Variants in DNAJC6 observed in about 807,000 individuals in gnomAD.
DNAJC6 encodes auxilin.
A neutral mutation model predicts 110.0 loss-of-function variants in DNAJC6; 34 were observed. That is an observed-to-expected ratio of 0.31 (90% CI 0.24 to 0.41). The LOEUF is 0.41. Among genes scored for constraint, DNAJC6 ranks in the 10% least tolerant of loss-of-function variants. DNAJC6 has a pLI of 1.00. For synonymous variants in DNAJC6, 406 were observed against 437.2 expected (o/e 0.93, Z 0.89); for missense variants, 1,031 against 1,207.8 (o/e 0.85, Z 2.17).
At position 65,309,685 on chromosome 1, in the gene DNAJC6, A is replaced by C. The variant is rs1207780105; in HGVS notation, c.-61A>C. The stretch of plus-strand genomic sequence containing the variant: ...TTTAATTCCTTCTTCAGCCCTTTCC[A>C]CCTTCCATCTCCCTTTTCGCTTCCC... On this transcript the variant is annotated 5_prime_UTR_variant, in exon 1 of 19. Transcript: ENST00000371069. 145 of 1,478,380 alleles carry C rather than the reference A, an allele frequency of 9.8e-5. No individual in the cohort carries two copies. The highest frequency in any genetic ancestry group is 3.1e-4 in the African/African-American group (19 of 60,378). 91.6% of individuals were successfully genotyped at this position (1,478,380 alleles called of 1,614,324 possible).
intron 1 of DNAJC6, among the ~76,000 whole-genome samples, chr1:65,331,486 A>G (rs74080532): frequency 0.011 from 1,712 of 152,320 alleles, 36 homozygotes; most frequent in African/African-American, 0.038. Flanking sequence ...AAGTTTTCCA[A>G]AGAGGTGAAA....
At chr1:65,371,773 A>C (rs1211331719) in intron 4 of DNAJC6, among the ~76,000 whole-genome samples, 1 of 152,156 alleles carries the variant, frequency 6.6e-6, no homozygotes, top group African/African-American at 2.4e-5. Context: ...ATGCTAAGCA[A>C]GCCCAGGAGA....
chr1:65,281,630 A>G (rs1200431341), intron 1 of DNAJC6, among the ~76,000 whole-genome samples: 1 of 151,122 alleles, frequency 6.6e-6, no homozygotes, highest in Non-Finnish European at 1.5e-5. Flanking sequence ...TTGTTTTGAG[A>G]TGGAGTCTCG....
chr1:65,267,751 G>T (rs1653382430), intron 1 of DNAJC6, among the ~76,000 whole-genome samples: 1 of 152,032 alleles, frequency 6.6e-6, no homozygotes, highest in Non-Finnish European at 1.5e-5. Flanking sequence ...CTCCAAATAG[G>T]TTATGAATTA....
At chr1:65,268,556 T>G (rs1218501683) in intron 1 of DNAJC6, among the ~76,000 whole-genome samples, 1 of 152,282 alleles carries the variant, frequency 6.6e-6, no homozygotes, top group South Asian at 2.1e-4. Flanking sequence ...AGAAATAGAT[T>G]AAGAATTTTG....
intron 18 of DNAJC6, among the ~76,000 whole-genome samples, chr1:65,412,515 CAA>C (rs1646137829): frequency 6.6e-6 from 1 of 152,160 alleles, no homozygotes; most frequent in South Asian, 2.1e-4. Flanking sequence ...GAAGGAGAAA[CAA>C]GAGCCCAGAA....
rs575574996 is a variant in DNAJC6 at position 65,345,784 on chromosome 1, T to C, written c.194-18851T>C. Reference sequence around the variant, plus strand: ...ATGTCTTCTGTATGTAGAGTGCAGATCCAGGTTGGCTACCATGTCTGGCCA... The same window carrying C: ...ATGTCTTCTGTATGTAGAGTGCAGACCCAGGTTGGCTACCATGTCTGGCCA... On this transcript the variant is annotated intron_variant, in intron 1 of 18. Transcript: ENST00000371069. The C allele has an allele frequency of 6.4e-5, 39 of 613,420 alleles. No individual in the cohort carries two copies. In the Middle Eastern group the frequency reaches 3.4e-3, roughly 53 times the overall value. The allele number at this position is 613,420 out of a possible 1,614,324, so 38.0% of individuals were successfully genotyped here. A position where few individuals can be genotyped will look rare whatever the true frequency, so the allele number is the denominator to read the frequency against.
At chr1:65,309,128 G>A (rs1157376239), upstream of DNAJC6, among the ~76,000 whole-genome samples, 1 of 152,184 alleles carries the variant, frequency 6.6e-6, no homozygotes, top group Non-Finnish European at 1.5e-5. Context: ...AAATGGGTGT[G>A]TCTGGATTTT....
At chr1:65,290,158 G>A (rs10889534) in intron 1 of DNAJC6, among the ~76,000 whole-genome samples, 16,750 of 152,118 alleles carry the variant, frequency 0.11, 1,199 homozygotes, top group East Asian at 0.27. Flanking sequence ...CAGTTCTGGT[G>A]GCTGGAAAAG....
At chr1:65,278,996 A>C in intron 1 of DNAJC6, 3 of 985,440 alleles carry the variant, frequency 3.0e-6, no homozygotes, top group Non-Finnish European at 3.6e-6. Flanking sequence ...TGGCAGTTTA[A>C]AAACAGACAC....
In DNAJC6 at chr1:65,345,691, G is replaced by C. The variant is rs1041946182; in HGVS notation, c.194-18944G>C. ...TTTTTGAGTGGAAGGAGTCTGAAGA[G>C]AGGGTAGGAACCAACCTCCTACTAC... On this transcript the variant is annotated intron_variant, in intron 1 of 18. Transcript: ENST00000371069. The C allele has an allele frequency of 1.5e-5, 15 of 985,148 alleles. No homozygotes were observed. The East Asian group carries it at 1.7e-3, about 112-fold the overall frequency. 61.0% of individuals were successfully genotyped at this position (985,148 alleles called of 1,614,324 possible). A position where few individuals can be genotyped will look rare whatever the true frequency, so the allele number is the denominator to read the frequency against.
rs117036299 is a variant in DNAJC6, at chr1:65,357,200, C to T, written c.194-7435C>T. On this transcript the variant is annotated intron_variant, in intron 1 of 18. Coordinates refer to ENST00000371069, the MANE Select transcript of DNAJC6 (RefSeq NM_001256864.2). ...CAATTTTATAGAAGCCAGGACAAGA[C>T]ATTTTTAACATTGTGACTCTTAACC... Among the ~76,000 whole-genome samples, 42 of 152,276 alleles carry T rather than the reference C, an allele frequency of 2.8e-4. 2 individuals carry two copies. In the East Asian group the frequency reaches 8.1e-3, roughly 29 times the overall value.
chr1:65,292,426 C>A (rs1385301706), intron 1 of DNAJC6, among the ~76,000 whole-genome samples: 1 of 151,556 alleles, frequency 6.6e-6, no homozygotes, highest in East Asian at 1.9e-4. Context: ...AATAAACCAC[C>A]CCAAACTTTT....
At chr1:65,386,787 T>A in intron 7 of DNAJC6, 25 bp from the exon 8 acceptor site, 1 of 1,575,872 alleles carries the variant, frequency 6.3e-7, no homozygotes, top group Non-Finnish European at 8.7e-7. Context: ...TCTCTTTCAA[T>A]GTATATTTTG....
At chr1:65,348,060 T>C (rs1319946164) in intron 1 of DNAJC6, among the ~76,000 whole-genome samples, 1 of 152,190 alleles carries the variant, frequency 6.6e-6, no homozygotes, top group Non-Finnish European at 1.5e-5. Flanking sequence ...TATTCAAGCA[T>C]ATGGCAAAAG....
rs539470514 is a variant in DNAJC6 at position 65,323,443 on chromosome 1, A to G, written c.193+13505A>G. Among the ~76,000 whole-genome samples, 9 of 152,166 alleles carry G rather than the reference A, an allele frequency of 5.9e-5. No individual in the cohort carries two copies. In the South Asian group the frequency reaches 1.7e-3, roughly 28 times the overall value. ...TCTTGCTTCCCCTTTGCCTTCTGCC[A>G]TGATTGTAAGTTTCCCGAGGCCTCC... is the stretch of plus-strand genomic sequence containing the variant. On this transcript the variant is annotated intron_variant, in intron 1 of 18. Coordinates refer to ENST00000371069, the MANE Select transcript of DNAJC6 (RefSeq NM_001256864.2).
At chr1:65,371,718 C>G (rs1176572942) in intron 4 of DNAJC6, among the ~76,000 whole-genome samples, 1 of 152,116 alleles carries the variant, frequency 6.6e-6, no homozygotes, top group Admixed American at 6.6e-5. Context: ...CTTTTTCCCA[C>G]TGGGTGGTAT....
At position 65,353,546 on chromosome 1, in the gene DNAJC6, C is replaced by G. The variant is rs1383680708; in HGVS notation, c.194-11089C>G. 2.0e-5 allele frequency among the ~76,000 whole-genome samples: 3 copies of G among 152,244 alleles called. No homozygotes were observed. In the East Asian group the frequency reaches 5.8e-4, roughly 29 times the overall value. Reference sequence around the variant, plus strand: ...GTTACATCCATTTGACTGGAATTCCCCTAGCACCAACAGCCTGGTTGTGAA... The same window carrying G: ...GTTACATCCATTTGACTGGAATTCCGCTAGCACCAACAGCCTGGTTGTGAA... On this transcript the variant is annotated intron_variant, in intron 1 of 18. Coordinates refer to ENST00000371069, the MANE Select transcript of DNAJC6 (RefSeq NM_001256864.2).
chr1:65,375,828 G>A (rs910888099), intron 4 of DNAJC6, among the ~76,000 whole-genome samples: 3 of 152,222 alleles, frequency 2.0e-5, no homozygotes, highest in Admixed American at 6.5e-5. Flanking sequence ...GTGTTCTTCA[G>A]TGACACTGGC....
Sources: gnomAD v4.1 joint callset for allele counts (sites outside exome capture counted in the v4.1 genomes callset) on GRCh38, gnomAD v4.1.1 for gene constraint, MANE v1.5 for transcripts, NCBI Gene and HGNC (gene_info 2026-07-23, HGNC 2026-07-21) for gene names.